C1QBP: variants seen among roughly 807,000 people sequenced by gnomAD.
C1QBP encodes the protein complement component 1 Q subcomponent-binding protein, mitochondrial.
Under a neutral mutation model 29.4 loss-of-function variants are expected in C1QBP, and 24 were observed. That is an observed-to-expected ratio of 0.82 (90% CI 0.59 to 1.15). C1QBP has a LOEUF of 1.15. Ranked by LOEUF, C1QBP falls within the 50% of genes most tolerant of loss-of-function variation. The pLI is 0.00. For missense variants in C1QBP, 337 were observed against 355.8 expected, an observed-to-expected ratio of 0.95 and a Z score of 0.43; for synonymous variants, 182 against 149.2, an observed-to-expected ratio of 1.22 and a Z score of -1.60.
At chr17:5,438,784 T>C in intron 1 of C1QBP, 58 bp downstream of exon 1, 1 of 1,545,228 alleles carries the variant, frequency 6.5e-7, no homozygotes, top group African/African-American at 1.4e-5. Flanking sequence ...GCCCTATTCC[T>C]GGTCTACGTT....
chr17:5,433,771 G>T lies in C1QBP; in HGVS notation c.478-4C>A. 6.2e-7 allele frequency: 1 copy of T among 1,613,438 alleles called. No homozygotes were observed. Among genetic ancestry groups the T allele is most frequent in the South Asian group, 1.1e-5 (1 of 91,078 alleles). ...TGGGAGTTGATGTCAGTTCAGGCTG[G>T]GGAAACAAGAAGTCAATACATGCTG... On this transcript the variant is annotated splice_polypyrimidine_tract_variant and splice_region_variant and intron_variant, in intron 3 of 5. Coordinates refer to ENST00000225698, the MANE Select transcript of C1QBP (RefSeq NM_001212.4).
At position 5,433,404 on chromosome 17, in the gene C1QBP, T is replaced by C; in HGVS notation, c.588A>G (p.Glu196=). The stretch of plus-strand genomic sequence containing the variant: ...AGAAGATGTCACTCTCAGCCTCGTC[T>C]TCTTGTCCAACCTGAGAAGAAACAA... The part of the protein sequence containing the change: ...CHYPEDEVGQ[E]DEAESDIFSI... The change falls in exon 5 of 6, where the codon GAA becomes GAG. Residue 196 remains glutamate, a synonymous_variant. Transcript: ENST00000225698. 1.2e-6 allele frequency: 2 copies of C among 1,614,162 alleles called. No individual in the cohort carries two copies. The highest frequency in any genetic ancestry group is 1.7e-6 in the Non-Finnish European group (2 of 1,180,026).
In C1QBP at chr17:5,439,120, C is replaced by G; in HGVS notation, c.-47G>C. On this transcript the variant is annotated 5_prime_UTR_variant, in exon 1 of 6. Coordinates refer to ENST00000225698, the MANE Select transcript of C1QBP (RefSeq NM_001212.4). ...GTGCAGATGCAAAGGACAACCCAGG[C>G]CTAGGCGCCCCGCGACCTGAGGCGC... The G allele has an allele frequency of 6.5e-7, 1 of 1,534,672 alleles. No homozygotes were observed. The highest frequency in any genetic ancestry group is 8.8e-7 in the Non-Finnish European group (1 of 1,140,816).
chr17:5,435,605 T>A (rs556088986), intron 2 of C1QBP, among the ~76,000 whole-genome samples: 13 of 152,016 alleles, frequency 8.6e-5, no homozygotes, highest in African/African-American at 3.1e-4. Context: ...CACCAACTAG[T>A]GACAATTTTA....
rs773299219 is a variant in C1QBP, at chr17:5,438,277, GA to G, written c.233-5del. 1 of 1,612,286 alleles carries G rather than the reference GA, an allele frequency of 6.2e-7. No individual in the cohort carries two copies. The highest frequency in any genetic ancestry group is 2.2e-5 in the East Asian group (1 of 44,870). On this transcript the variant is annotated splice_polypyrimidine_tract_variant and splice_region_variant and intron_variant, in intron 1 of 5. Transcript: ENST00000225698. ...AAATCAACAAAAGCTTTGTCTCCTA[GA>G]AAAGAAATCCAGATACATAAAAAGG...
In C1QBP at chr17:5,433,382, A is replaced by G; in HGVS notation, c.610T>C (p.Phe204Leu). 6.2e-7 allele frequency: 1 copy of G among 1,614,150 alleles called. No individual in the cohort carries two copies. Among genetic ancestry groups the G allele is most frequent in the Admixed American group, 1.7e-5 (1 of 60,018 alleles). Reference protein sequence around the residue: ...GQEDEAESDIFSIREVSFQST... With the variant: ...GQEDEAESDILSIREVSFQST... ...TGAAAGCTAACTTCCCTGATAGAGA[A>G]GATGTCACTCTCAGCCTCGTCTTCT... Residue 204 changes from phenylalanine (F) to leucine (L), a missense_variant, in exon 5 of 6, where the codon TTC (phenylalanine) becomes CTC (leucine). Physicochemically the swap from Phe to Leu is conservative, Grantham distance 22. Coordinates refer to ENST00000225698, the MANE Select transcript of C1QBP (RefSeq NM_001212.4).
At chr17:5,435,199 A>G (rs553196937) in intron 2 of C1QBP, among the ~76,000 whole-genome samples, 50 of 152,320 alleles carry the variant, frequency 3.3e-4, no homozygotes, top group Admixed American at 9.2e-4. Flanking sequence ...AGCTGCTGGA[A>G]GCCAAAGCTG....
rs1805435 is a variant in C1QBP, at chr17:5,438,429, A to G, written c.233-156T>C. On this transcript the variant is annotated intron_variant, in intron 1 of 5. Transcript: ENST00000225698. ...CTGTTTCCTTATCGGTAAAAATACC[A>G]TAATAGTAGTAGGAAGCTGAGCCTG... 298,811 of 951,094 alleles carry G rather than the reference A, an allele frequency of 0.31. 56,365 individuals carry two copies. Among genetic ancestry groups the G allele is most frequent in the East Asian group, 0.85 (31,704 of 37,414 alleles). 58.9% of individuals were successfully genotyped at this position (951,094 alleles called of 1,614,324 possible).
intron 2 of C1QBP, among the ~76,000 whole-genome samples, chr17:5,437,908 T>G (rs146273205): frequency 7.2e-4 from 110 of 152,352 alleles, no homozygotes; most frequent in African/African-American, 2.6e-3. Flanking sequence ...TTGCACTACA[T>G]TTTTGTCTCC....
At position 5,438,161 on chromosome 17, in the gene C1QBP, C is replaced by T. The variant is rs140681776; in HGVS notation, c.345G>A (p.Gly115=). 3.0e-5 allele frequency: 48 copies of T among 1,613,058 alleles called. No individual in the cohort carries two copies. In the African/African-American group the frequency reaches 6.0e-4, roughly 20 times the overall value. Residue 115 remains glycine, a synonymous_variant, in exon 2 of 6, where the codon GGG becomes GGA. Transcript: ENST00000225698. ...CTTTCCGCACTAATTTCGCTTCTGTCCCATTCAGTTCCAGCTCCCAACCTC... is the reference window on the plus strand; with the variant it reads ...CTTTCCGCACTAATTTCGCTTCTGTTCCATTCAGTTCCAGCTCCCAACCTC... The part of the protein sequence containing the change: ...MSGGWELELN[G]TEAKLVRKVA...
chr17:5,436,217 G>A (rs1597350373), intron 2 of C1QBP, among the ~76,000 whole-genome samples: 1 of 151,122 alleles, frequency 6.6e-6, no homozygotes, highest in African/African-American at 2.5e-5. Context: ...GAAATTGAAT[G>A]ACGTTCATCA....
In C1QBP at chr17:5,433,342, G is replaced by T; in HGVS notation, c.650C>A (p.Ser217Tyr). ...TGTATAATTAGTATCCTTCCATTCA[G>T]ACTCGCCAGTGGACTGAAAGCTAAC... The part of the protein sequence containing the change: ...REVSFQSTGE[S>Y]EWKDTNYTLN... Residue 217 changes from serine (S) to tyrosine (Y), a missense_variant, in exon 5 of 6, where the codon TCT becomes TAT. Coordinates refer to ENST00000225698, the MANE Select transcript of C1QBP (RefSeq NM_001212.4). 6.2e-7 allele frequency: 1 copy of T among 1,614,104 alleles called. No homozygotes were observed. The highest frequency in any genetic ancestry group is 8.5e-7 in the Non-Finnish European group (1 of 1,180,028).
intron 2 of C1QBP, among the ~76,000 whole-genome samples, chr17:5,436,933 G>T (rs959115365): frequency 6.6e-6 from 1 of 152,152 alleles, no homozygotes; most frequent in Admixed American, 6.5e-5. Context: ...TCAGAACCTG[G>T]GAGGCAGAGG....
rs1567591348 is a variant in C1QBP at position 5,433,668 on chromosome 17, C to T, written c.576+1G>A. ...AGAGGCTAGCACTCCATCCTGCATA[C>T]CTCATCCTCTGGATAATGACAGTCC... On this transcript the variant is annotated splice_donor_variant, in intron 4 of 5. Transcript: ENST00000225698. LOFTEE classifies it high-confidence loss of function. 6.2e-7 allele frequency: 1 copy of T among 1,613,928 alleles called. No individual in the cohort carries two copies. The highest frequency in any genetic ancestry group is 1.3e-5 in the African/African-American group (1 of 75,050).
intron 1 of C1QBP, 93 bp downstream of exon 1, chr17:5,438,749 C>G: frequency 1.3e-6 from 2 of 1,542,056 alleles, no homozygotes; most frequent in Admixed American, 2.0e-5. Flanking sequence ...GGAAAAATGT[C>G]CCAGACCTCA....
At position 5,433,247 on chromosome 17, in the gene C1QBP, T is replaced by C. The variant is rs765239874; in HGVS notation, c.699+46A>G. The C allele has an allele frequency of 9.9e-6, 16 of 1,613,002 alleles. No homozygotes were observed. The Admixed American group carries it at 2.7e-4, about 27-fold the overall frequency. On this transcript the variant is annotated intron_variant, in intron 5 of 5. Coordinates refer to ENST00000225698, the MANE Select transcript of C1QBP (RefSeq NM_001212.4). ...TTTTTCTCCCCTTGAACTAGGACCC[T>C]TCCTTCCAAGGCCCAAAAGGTTCCC... is the stretch of plus-strand genomic sequence containing the variant.
At chr17:5,436,376 T>C (rs1567592382) in intron 2 of C1QBP, among the ~76,000 whole-genome samples, 1 of 151,412 alleles carries the variant, frequency 6.6e-6, no homozygotes, top group Admixed American at 6.6e-5. Context: ...TCACACCATA[T>C]TCAAAATGAA....
chr17:5,434,640 G>A (rs887627521), intron 3 of C1QBP: 1 of 294,866 alleles, frequency 3.4e-6, no homozygotes. Context: ...GCTAATTTTT[G>A]TATTTTTAGT....
In C1QBP at chr17:5,433,055, G is replaced by A. The variant is rs761396953; in HGVS notation, c.809C>T (p.Thr270Ile). 1.2e-6 allele frequency: 2 copies of A among 1,613,960 alleles called. No homozygotes were observed. Among genetic ancestry groups the A allele is most frequent in the Admixed American group, 1.7e-5 (1 of 59,970 alleles). Reference protein sequence around the residue: ...STALEHQEYITFLEDLKSFVK... With the variant: ...STALEHQEYIIFLEDLKSFVK... ...AAAACTCTTGAGGTCTTCAAGAAAA[G>A]TAATGTACTCCTGGTGCTCCAGGGC... Residue 270 changes from threonine to isoleucine, a missense_variant, in exon 6 of 6, where the codon ACT becomes ATT. By Grantham distance (89) the Thr-to-Ile change is moderately conservative. Transcript: ENST00000225698.
Sources: allele counts gnomAD v4.1 joint callset (sites outside exome capture counted in the v4.1 genomes callset), GRCh38; gene constraint gnomAD v4.1.1; transcripts MANE v1.5; gene names NCBI Gene and HGNC (gene_info 2026-07-23, HGNC 2026-07-21).